Variants in GUCY1B1 observed in about 807,000 individuals in gnomAD.
GUCY1B1 encodes guanylate cyclase 1 soluble subunit beta 1, also known as guanylate cyclase soluble subunit beta-1.
GUCY1B1 carries 43 observed loss-of-function variants against 71.0 expected under a neutral mutation model. The observed-to-expected ratio is 0.61, with a 90% confidence interval of 0.47 to 0.78. The LOEUF is 0.78. Ranked by LOEUF, GUCY1B1 falls within the 30% of genes least tolerant of loss-of-function variation. GUCY1B1 has a pLI of 0.00. For synonymous variants in GUCY1B1, 266 were observed against 259.7 expected (o/e 1.02, Z -0.23); for missense variants, 535 against 754.1 (o/e 0.71, Z 3.40).
Position 155,759,081 on chromosome 4 carries a change from G to T in GUCY1B1, c.-60G>T. ...GCTGTAGCCGCTGCCGCCTCTGCCTGGGTCCCTTCGGCCGTACCTCTGCGT... is the reference window on the plus strand; with the variant it reads ...GCTGTAGCCGCTGCCGCCTCTGCCTTGGTCCCTTCGGCCGTACCTCTGCGT... On this transcript the variant is annotated 5_prime_UTR_variant, in exon 1 of 14. Coordinates refer to ENST00000264424, the MANE Select transcript of GUCY1B1 (RefSeq NM_000857.5). 6.4e-7 allele frequency: 1 copy of T among 1,558,026 alleles called. No individual in the cohort carries two copies.
At chr4:155,799,184 A>T (rs1288966164) in intron 8 of GUCY1B1, among the ~76,000 whole-genome samples, 1 of 152,192 alleles carries the variant, frequency 6.6e-6, no homozygotes, top group African/African-American at 2.4e-5. Context: ...TTGTCAGATT[A>T]TCACTAAAAT....
intron 12 of GUCY1B1, 63 bp from the exon 13 acceptor site, chr4:155,805,040 T>G: frequency 1.4e-6 from 2 of 1,412,042 alleles, no homozygotes; most frequent in Non-Finnish European, 2.0e-6. Flanking sequence ...ACATGATACA[T>G]GTCACCTTCT....
In GUCY1B1 at chr4:155,793,972, G is replaced by A. The variant is rs762371699; in HGVS notation, c.612G>A (p.Gln204=). Residue 204 remains glutamine (Q), a synonymous_variant, in exon 6 of 14, where the codon CAG becomes CAA. Transcript: ENST00000264424. ...DLDRFEENGT[Q]ESRISPYTFC... ...ACAGATTTGAAGAAAATGGTACCCA[G>A]GAATCACGCATCAGCCCATATACAT... 6.2e-7 allele frequency: 1 copy of A among 1,608,340 alleles called. No individual in the cohort carries two copies. Among genetic ancestry groups the A allele is most frequent in the Non-Finnish European group, 8.5e-7 (1 of 1,174,746 alleles).
rs920842019 is a variant in GUCY1B1 at position 155,802,639 on chromosome 4, C to T, written c.1413+60C>T. 7.0e-7 allele frequency: 1 copy of T among 1,426,836 alleles called. No individual in the cohort carries two copies. The highest frequency in any genetic ancestry group is 2.5e-5 in the East Asian group (1 of 40,362). The allele number at this position is 1,426,836 out of a possible 1,614,324, so 88.4% of individuals were successfully genotyped here. A position where few individuals can be genotyped will look rare whatever the true frequency, so the allele number is the denominator to read the frequency against. On this transcript the variant is annotated intron_variant, in intron 10 of 13. Coordinates refer to ENST00000264424, the MANE Select transcript of GUCY1B1 (RefSeq NM_000857.5). This position sits in a 1 kb window ranked among gnomAD's most constrained non-coding sequence, Gnocchi z 4.3. ...CAGAGGCTGGCGTTCTGAGACTCCC[C>T]TCCAGAGGCCATGTCATCACAGCTC...
At chr4:155,786,271 CTTTTTT>C (rs33996424) in intron 4 of GUCY1B1, among the ~76,000 whole-genome samples, 8 of 123,796 alleles carry the variant, frequency 6.5e-5, no homozygotes, top group Middle Eastern at 4.4e-3. Context: ...GTTCAATTTC[CTTTTTT>C]TTTTTTTTTT....
chr4:155,792,531 A>C (rs1208114614), intron 5 of GUCY1B1, among the ~76,000 whole-genome samples: 1 of 152,144 alleles, frequency 6.6e-6, no homozygotes, highest in African/African-American at 2.4e-5. Flanking sequence ...GTGAGGTAGT[A>C]ACATCCCAGT....
chr4:155,782,913 A>G (rs763415923), intron 4 of GUCY1B1, among the ~76,000 whole-genome samples: 7 of 152,190 alleles, frequency 4.6e-5, no homozygotes, highest in African/African-American at 7.2e-5. Flanking sequence ...GCTGGAAATA[A>G]CTACCAGCCA....
intron 4 of GUCY1B1, among the ~76,000 whole-genome samples, chr4:155,785,057 G>A (rs1175527993): frequency 6.6e-6 from 1 of 152,032 alleles, no homozygotes; most frequent in Non-Finnish European, 1.5e-5. Flanking sequence ...ATAAATGCAA[G>A]GTGATAAAAT....
At chr4:155,774,074 C>A (rs1475725038) in intron 2 of GUCY1B1, among the ~76,000 whole-genome samples, 1 of 152,150 alleles carries the variant, frequency 6.6e-6, no homozygotes. Context: ...ATTTTCAATG[C>A]AGTAGCCAGG....
intron 5 of GUCY1B1, among the ~76,000 whole-genome samples, chr4:155,791,141 G>C (rs1739123883): frequency 6.7e-6 from 1 of 149,386 alleles, no homozygotes; most frequent in Non-Finnish European, 1.5e-5. Flanking sequence ...TTGAGACAGA[G>C]TCTCACTCTG....
intron 2 of GUCY1B1, among the ~76,000 whole-genome samples, chr4:155,760,448 C>T (rs1177360085): frequency 1.7e-5 from 2 of 119,778 alleles, no homozygotes; most frequent in Non-Finnish European, 3.5e-5. Flanking sequence ...AACCCCTATC[C>T]CCCGTTTTTT....
At chr4:155,782,032 C>G (rs1025682164) in intron 4 of GUCY1B1, among the ~76,000 whole-genome samples, 4 of 152,030 alleles carry the variant, frequency 2.6e-5, no homozygotes, top group Non-Finnish European at 4.4e-5. Flanking sequence ...TGGTTCCATG[C>G]TATTGCTATA....
chr4:155,782,162 G>A (rs1391186435), intron 4 of GUCY1B1, among the ~76,000 whole-genome samples: 2 of 152,030 alleles, frequency 1.3e-5, no homozygotes, highest in African/African-American at 2.4e-5. Flanking sequence ...TGCAAACTCC[G>A]CCTCCCGGGT....
chr4:155,774,890 A>T, intron 2 of GUCY1B1, 78 bp from the exon 3 acceptor site: 1 of 827,028 alleles, frequency 1.2e-6, no homozygotes, highest in Non-Finnish European at 2.0e-6. Context: ...GCCATTGTTT[A>T]TACAATTATT....
intron 5 of GUCY1B1, among the ~76,000 whole-genome samples, chr4:155,792,382 C>T (rs763088279): frequency 6.6e-6 from 1 of 152,040 alleles, no homozygotes; most frequent in Non-Finnish European, 1.5e-5. Flanking sequence ...CAGAGTAGAA[C>T]ATCAAAAGTA....
At position 155,795,419 on chromosome 4, in the gene GUCY1B1, C is replaced by G; in HGVS notation, c.805C>G (p.Leu269Val). ...PHIDISFHGI[L>V]SHINTVFVLR... ...TATTGATATTAGTTTCCATGGGATC[C>G]TTTCTCACATCAATACTGTTTTTGT... The change falls in exon 7 of 14, where the codon CTT becomes GTT. Residue 269 changes from leucine to valine, a missense_variant. Coordinates refer to ENST00000264424, the MANE Select transcript of GUCY1B1 (RefSeq NM_000857.5). The G allele has an allele frequency of 6.3e-7, 1 of 1,591,886 alleles. No individual in the cohort carries two copies. Among genetic ancestry groups the G allele is most frequent in the South Asian group, 1.1e-5 (1 of 90,540 alleles).
chr4:155,784,624 T>A (rs1331460571), intron 4 of GUCY1B1, among the ~76,000 whole-genome samples: 1 of 152,160 alleles, frequency 6.6e-6, no homozygotes, highest in African/African-American at 2.4e-5. Context: ...TTTTAAAGAT[T>A]TCTTGCAGAT....
At chr4:155,783,357 G>C (rs1738562388) in intron 4 of GUCY1B1, among the ~76,000 whole-genome samples, 1 of 152,204 alleles carries the variant, frequency 6.6e-6, no homozygotes, top group Admixed American at 6.5e-5. Context: ...AAAATGAGCA[G>C]CGAAGGCTGC....
In GUCY1B1 at chr4:155,805,171, A is replaced by G. The variant is rs1157133578; in HGVS notation, c.1778A>G (p.Lys593Arg). 1.2e-6 allele frequency: 2 copies of G among 1,611,820 alleles called. No homozygotes were observed. The highest frequency in any genetic ancestry group is 1.7e-6 in the Non-Finnish European group (2 of 1,178,428). The change falls in exon 13 of 14, where the codon AAG becomes AGG. Residue 593 changes from lysine (K) to arginine (R), a missense_variant. Transcript: ENST00000264424. ...HLEHRGPVSM[K>R]GKKEPMQVWF... ...GAGCACAGAGGCCCAGTGTCCATGA[A>G]GGGCAAAAAAGAACCAATGCAAGTT...
Sources: gnomAD v4.1 joint callset for allele counts (sites outside exome capture counted in the v4.1 genomes callset) on GRCh38, gnomAD v4.1.1 for gene constraint, Gnocchi (gnomAD v3.1) non-coding constraint, MANE v1.5 for transcripts, NCBI Gene and HGNC (gene_info 2026-07-23, HGNC 2026-07-21) for gene names.